RAB38: variants seen among roughly 807,000 people sequenced by gnomAD.
The protein encoded by RAB38 is ras-related protein Rab-38.
Under a neutral mutation model 18.4 loss-of-function variants are expected in RAB38, and 15 were observed. The observed-to-expected ratio is 0.82, with a 90% CI of 0.55 to 1.26. The LOEUF (loss-of-function observed/expected upper bound fraction) is 1.26. Ranked by LOEUF, RAB38 falls within the 50% of genes most tolerant of loss-of-function variation. RAB38 has a pLI of 0.00. For missense variants in RAB38, 294 were observed against 267.4 expected, an observed-to-expected ratio of 1.10 and a Z score of -0.69; for synonymous variants, 101 against 104.4, an observed-to-expected ratio of 0.97 and a Z score of 0.20.
At chr11:87,925,088 C>T in the RAB38 span, among the ~76,000 whole-genome samples, 1 of 151,964 alleles carries the variant, frequency 6.6e-6, no homozygotes, top group African/African-American at 2.4e-5. Flanking sequence ...AGTAGAAGCT[C>T]TTCTCTCTCA....
the RAB38 span, among the ~76,000 whole-genome samples, chr11:88,068,950 C>T: frequency 7.9e-5 from 12 of 152,350 alleles, no homozygotes; most frequent in South Asian, 2.1e-4. Flanking sequence ...AGAGTGGACA[C>T]GCTTGAGGAG....
At chr11:87,857,708 G>T in the RAB38 span, among the ~76,000 whole-genome samples, 1 of 152,076 alleles carries the variant, frequency 6.6e-6, no homozygotes, top group Non-Finnish European at 1.5e-5. Flanking sequence ...TTTTGATGGG[G>T]TTGTTTGTTT....
chr11:88,009,558 T>G, the RAB38 span, among the ~76,000 whole-genome samples: 1 of 152,194 alleles, frequency 6.6e-6, no homozygotes, highest in Non-Finnish European at 1.5e-5. Flanking sequence ...TGATAGAGGA[T>G]TCCAGAAGGA....
chr11:88,021,957 C>G, the RAB38 span, among the ~76,000 whole-genome samples: 1 of 151,742 alleles, frequency 6.6e-6, no homozygotes, highest in African/African-American at 2.4e-5. Flanking sequence ...GCATGAGCCA[C>G]TGCACCTGGC....
chr11:88,018,043 T>C, the RAB38 span, among the ~76,000 whole-genome samples: 1 of 152,130 alleles, frequency 6.6e-6, no homozygotes, highest in Non-Finnish European at 1.5e-5. Flanking sequence ...TCCTCCACGA[T>C]TGTGTGGCCT....
the RAB38 span, among the ~76,000 whole-genome samples, chr11:87,918,284 T>C: frequency 6.6e-6 from 1 of 152,160 alleles, no homozygotes; most frequent in Non-Finnish European, 1.5e-5. Flanking sequence ...TATCCATTCA[T>C]TCACTGATGA....
the RAB38 span, among the ~76,000 whole-genome samples, chr11:88,073,755 A>G: frequency 6.6e-6 from 1 of 152,132 alleles, no homozygotes; most frequent in Non-Finnish European, 1.5e-5. Context: ...TAGTTAAAAA[A>G]AAAAACAACT....
chr11:87,853,075 T>G, the RAB38 span, among the ~76,000 whole-genome samples: 3 of 152,256 alleles, frequency 2.0e-5, no homozygotes, highest in African/African-American at 7.2e-5. Flanking sequence ...GTTATAGTTG[T>G]GATATCACAG....
the RAB38 span, among the ~76,000 whole-genome samples, chr11:87,806,812 G>A: frequency 2.0e-5 from 3 of 152,192 alleles, no homozygotes; most frequent in Admixed American, 6.5e-5. Context: ...ACAAGTGAGT[G>A]AAGAATGTAC....
At chr11:88,060,333 C>G in the RAB38 span, 2 of 152,036 alleles carry the variant, frequency 1.3e-5, no homozygotes, top group African/African-American at 4.8e-5. Flanking sequence ...TAACATTTTA[C>G]GTCAGACAGA....
the RAB38 span, among the ~76,000 whole-genome samples, chr11:87,884,085 A>G: frequency 6.6e-6 from 1 of 151,998 alleles, no homozygotes; most frequent in East Asian, 1.9e-4. Context: ...TGATTGAGCT[A>G]AAGATGATGA....
At chr11:88,029,085 A>G in the RAB38 span, among the ~76,000 whole-genome samples, 1 of 152,146 alleles carries the variant, frequency 6.6e-6, no homozygotes, top group Non-Finnish European at 1.5e-5. Context: ...CAACATTCTT[A>G]AAGAAAAGAA....
the RAB38 span, among the ~76,000 whole-genome samples, chr11:88,068,001 C>A: frequency 3.4e-5 from 5 of 145,076 alleles, no homozygotes; most frequent in East Asian, 3.9e-4. Context: ...ATACACATAT[C>A]TATACATATA....
the RAB38 span, among the ~76,000 whole-genome samples, chr11:87,878,222 T>TATATATATATATATATATATACACAC: frequency 6.9e-5 from 8 of 116,206 alleles, no homozygotes; most frequent in African/African-American, 2.2e-4. Flanking sequence ...TATATATATA[T>TATATATATATATATATATATACACAC]ACACACATAT....
At chr11:87,817,885 C>T in the RAB38 span, among the ~76,000 whole-genome samples, 1 of 152,072 alleles carries the variant, frequency 6.6e-6, no homozygotes, top group Non-Finnish European at 1.5e-5. Flanking sequence ...AATCAAGAAT[C>T]TTAGTGATTA....
chr11:87,883,770 T>G, the RAB38 span, among the ~76,000 whole-genome samples: 1 of 151,942 alleles, frequency 6.6e-6, no homozygotes, highest in African/African-American at 2.4e-5. Context: ...TTTGAAGCTA[T>G]TAGAAGGTGT....
At chr11:87,948,925 C>T in the RAB38 span, among the ~76,000 whole-genome samples, 1 of 151,932 alleles carries the variant, frequency 6.6e-6, no homozygotes, top group Non-Finnish European at 1.5e-5. Flanking sequence ...GGGAGGATTC[C>T]CTCTTTTTCT....
At chr11:88,097,064 C>G in the RAB38 span, among the ~76,000 whole-genome samples, 1 of 151,754 alleles carries the variant, frequency 6.6e-6, no homozygotes, top group African/African-American at 2.4e-5. Context: ...AGATCTATAT[C>G]CCCATATGTT....
At chr11:88,010,839 G>A in the RAB38 span, among the ~76,000 whole-genome samples, 142 of 152,136 alleles carry the variant, frequency 9.3e-4, no homozygotes, top group African/African-American at 3.3e-3. Flanking sequence ...TACCTTCCTC[G>A]TAGTCACCTG....
Sources: allele counts gnomAD v4.1 joint callset (sites outside exome capture counted in the v4.1 genomes callset), GRCh38; gene constraint gnomAD v4.1.1; transcripts MANE v1.5; gene names NCBI Gene and HGNC (gene_info 2026-07-23, HGNC 2026-07-21).